Variants in RALGPS2 observed in about 807,000 individuals in gnomAD.
The protein encoded by RALGPS2 is Ral GEF with PH domain and SH3 binding motif 2, also known as ras-specific guanine nucleotide-releasing factor RalGPS2.
A neutral mutation model predicts 86.8 loss-of-function variants in RALGPS2; 43 were observed. The observed-to-expected ratio is 0.50, with a 90% CI of 0.39 to 0.64. The LOEUF (loss-of-function observed/expected upper bound fraction) is 0.64, where lower values mean the gene tolerates loss of function less well. Ranked by LOEUF, RALGPS2 falls within the 30% of genes least tolerant of loss-of-function variation. The pLI, the probability that RALGPS2 is intolerant of heterozygous loss-of-function variation, is 0.00. For missense variants in RALGPS2, 536 were observed against 694.6 expected (o/e 0.77, Z 2.57); for synonymous variants, 243 against 231.3 (o/e 1.05, Z -0.46).
At chr1:178,909,826 T>G (rs1057194185) in intron 19 of RALGPS2, among the ~76,000 whole-genome samples, 36 of 151,972 alleles carry the variant, frequency 2.4e-4, no homozygotes, top group African/African-American at 8.2e-4. Context: ...ATTTTTTGTA[T>G]TTTTAGTAGA....
chr1:178,791,803 A>G (rs1450463747), intron 4 of RALGPS2, among the ~76,000 whole-genome samples: 1 of 152,208 alleles, frequency 6.6e-6, no homozygotes, highest in East Asian at 1.9e-4. Flanking sequence ...CTATAGGGCA[A>G]TTATAAGAGG....
At chr1:178,796,981 C>A (rs1451517442) in intron 4 of RALGPS2, among the ~76,000 whole-genome samples, 1 of 152,254 alleles carries the variant, frequency 6.6e-6, no homozygotes, top group African/African-American at 2.4e-5. Context: ...CAAGTTAAAT[C>A]CATTGTAACA....
rs188416094 is a variant in RALGPS2 at position 178,794,727 on chromosome 1, A to G, written c.213+9120A>G. Among the ~76,000 whole-genome samples, 194 of 152,274 alleles carry G rather than the reference A, an allele frequency of 1.3e-3. 2 individuals are homozygous for G. Among genetic ancestry groups the G allele is most frequent in the African/African-American group, 4.3e-3 (178 of 41,564 alleles). On this transcript the variant is annotated intron_variant, in intron 4 of 19. Coordinates refer to ENST00000367635, the MANE Select transcript of RALGPS2 (RefSeq NM_152663.5). ...CAGTGCGGTTTTCTTTCCAGTAGCA[A>G]TTCTCTGGTGCTTTTAATAAGCCTT...
rs1328980596 is a variant in RALGPS2, at chr1:178,892,286, G to A, written c.1304G>A (p.Arg435Gln). 6 of 1,612,526 alleles carry A rather than the reference G, an allele frequency of 3.7e-6. No individual in the cohort carries two copies. Among genetic ancestry groups the A allele is most frequent in the South Asian group, 3.3e-5 (3 of 91,060 alleles). ...PVTRVARNGY[R>Q]SHMKASSSAE... ...ACAAGAGTGGCACGAAATGGCTATC[G>A]AAGTCACATGAAGGCCAGCAGGTAC... is the stretch of plus-strand genomic sequence containing the variant. The change falls in exon 15 of 20, where the codon CGA becomes CAA. Residue 435 changes from arginine (R) to glutamine (Q), a missense_variant. By Grantham distance (43) the Arg-to-Gln change is conservative. Coordinates refer to ENST00000367635, the MANE Select transcript of RALGPS2 (RefSeq NM_152663.5).
chr1:178,873,875 G>A (rs1658878381), intron 8 of RALGPS2, among the ~76,000 whole-genome samples: 1 of 152,004 alleles, frequency 6.6e-6, no homozygotes. Flanking sequence ...AAATCACTTG[G>A]TATGTACTAG....
At chr1:178,835,320 A>G (rs190167817) in intron 8 of RALGPS2, among the ~76,000 whole-genome samples, 1 of 151,870 alleles carries the variant, frequency 6.6e-6, no homozygotes, top group African/African-American at 2.4e-5. Flanking sequence ...TTACCTAGAA[A>G]TAGCATGCAT....
chr1:178,873,055 C>A (rs952081553), intron 8 of RALGPS2, among the ~76,000 whole-genome samples: 2 of 151,922 alleles, frequency 1.3e-5, no homozygotes, highest in African/African-American at 4.8e-5. Flanking sequence ...GGGGAAGATA[C>A]GAAAGTTCAA....
intron 19 of RALGPS2, among the ~76,000 whole-genome samples, chr1:178,908,281 A>G (rs1660469984): frequency 6.6e-6 from 1 of 152,210 alleles, no homozygotes; most frequent in Admixed American, 6.5e-5. Context: ...TTTAAAAATC[A>G]CTGTGTAGTA....
chr1:178,873,758 A>T (rs1456238486), intron 8 of RALGPS2, among the ~76,000 whole-genome samples: 2 of 152,254 alleles, frequency 1.3e-5, no homozygotes, highest in Non-Finnish European at 2.9e-5. Flanking sequence ...TGTTCTCATT[A>T]TAAGGAATTA....
chr1:178,750,945 C>G (rs1010903016), intron 1 of RALGPS2, among the ~76,000 whole-genome samples: 1 of 152,066 alleles, frequency 6.6e-6, no homozygotes, highest in African/African-American at 2.4e-5. Flanking sequence ...TGGGTGTGTT[C>G]ATGTACACAG....
At chr1:178,793,939 CAGA>C (rs1654072549) in intron 4 of RALGPS2, among the ~76,000 whole-genome samples, 2 of 152,122 alleles carry the variant, frequency 1.3e-5, no homozygotes, top group South Asian at 4.1e-4. Context: ...CTGAGTAGGG[CAGA>C]AGTTTTGCCA....
intron 8 of RALGPS2, among the ~76,000 whole-genome samples, chr1:178,833,786 G>A (rs12141302): frequency 1.3e-5 from 2 of 152,092 alleles, no homozygotes; most frequent in Admixed American, 1.3e-4. Flanking sequence ...TGTTTTCTTA[G>A]AGTAGGACCA....
intron 1 of RALGPS2, among the ~76,000 whole-genome samples, chr1:178,760,979 C>CTTTTTTTTTTTTT (rs200598214): frequency 7.2e-6 from 1 of 138,096 alleles, no homozygotes; most frequent in Non-Finnish European, 1.6e-5. Context: ...AGACTTTATT[C>CTTTTTTTTTTTTT]TTTTTTTTTT....
At chr1:178,843,240 C>G (rs1240469580) in intron 8 of RALGPS2, among the ~76,000 whole-genome samples, 13 of 137,308 alleles carry the variant, frequency 9.5e-5, no homozygotes, top group African/African-American at 3.7e-4. Flanking sequence ...ATAGCAAAGA[C>G]TTGGAACCAA....
intron 2 of RALGPS2, 149 bp downstream of exon 2, chr1:178,776,970 C>G: frequency 3.3e-6 from 2 of 611,882 alleles, no homozygotes; most frequent in Non-Finnish European, 5.5e-6. Context: ...TTTTTTTATA[C>G]TTTAAGTTTT....
chr1:178,764,225 A>G (rs1652389406), intron 1 of RALGPS2, among the ~76,000 whole-genome samples: 1 of 151,968 alleles, frequency 6.6e-6, no homozygotes, highest in Admixed American at 6.6e-5. Flanking sequence ...AATGCCCTTT[A>G]TTTATTTATT....
At chr1:178,894,198 G>A (rs1659841473) in intron 16 of RALGPS2, 174 bp downstream of exon 16, 4 of 474,348 alleles carry the variant, frequency 8.4e-6, no homozygotes, top group African/African-American at 2.0e-5. Flanking sequence ...ATCCCCCGGG[G>A]ATGACTGAAA....
At chr1:178,744,846 A>T (rs1651228915) in intron 1 of RALGPS2, among the ~76,000 whole-genome samples, 1 of 151,612 alleles carries the variant, frequency 6.6e-6, no homozygotes. Flanking sequence ...AAGAAAGGAA[A>T]AGGCATCCAG....
At chr1:178,748,511 G>A (rs1429331353) in intron 1 of RALGPS2, among the ~76,000 whole-genome samples, 4 of 152,140 alleles carry the variant, frequency 2.6e-5, no homozygotes, top group Non-Finnish European at 4.4e-5. Context: ...TTTATTGATA[G>A]TCACAACAAC....
Sources: gnomAD v4.1 joint callset for allele counts (sites outside exome capture counted in the v4.1 genomes callset) on GRCh38, gnomAD v4.1.1 for gene constraint, MANE v1.5 for transcripts, NCBI Gene and HGNC (gene_info 2026-07-23, HGNC 2026-07-21) for gene names.